GRIK4: variants seen among roughly 807,000 people sequenced by gnomAD.
GRIK4 encodes the protein glutamate receptor ionotropic, kainate 4.
A neutral mutation model predicts 104.9 loss-of-function variants in GRIK4; 40 were observed. The ratio of observed to expected loss-of-function variants is 0.38; its 90% CI spans 0.30 to 0.50. The LOEUF (loss-of-function observed/expected upper bound fraction) is 0.50. Among genes scored for constraint, GRIK4 ranks in the 20% least tolerant of loss-of-function variants. The pLI is 0.93. For synonymous variants in GRIK4, 485 were observed against 524.9 expected (o/e 0.92, Z 1.04); for missense variants, 1,047 against 1,308.1 (o/e 0.80, Z 3.08).
chr11:120,872,385 C>T (rs574337363), intron 9 of GRIK4: 79 of 162,330 alleles, frequency 4.9e-4, no homozygotes, highest in Non-Finnish European at 8.5e-4. Flanking sequence ...TGAAAAACCC[C>T]GAGACAGCAT....
Position 120,632,112 on chromosome 11 carries a change from G to T in GRIK4, c.-158-21573G>T, listed in dbSNP as rs534786542. ...CCCCAGTGTGATGGTATTAAGAAGT[G>T]AGCCTTTGGGAGGTCATAGGCGTGG... On this transcript the variant is annotated intron_variant, in intron 1 of 20. Coordinates refer to ENST00000527524, the MANE Select transcript of GRIK4 (RefSeq NM_014619.5). 2.0e-5 allele frequency among the ~76,000 whole-genome samples: 3 copies of T among 152,272 alleles called. No homozygotes were observed. The East Asian group carries it at 5.8e-4, about 29-fold the overall frequency.
At chr11:120,694,790 T>A (rs533018370) in intron 3 of GRIK4, among the ~76,000 whole-genome samples, 1 of 152,308 alleles carries the variant, frequency 6.6e-6, no homozygotes, top group East Asian at 1.9e-4. Flanking sequence ...TTCATTGTTG[T>A]CTTTCAGTGG....
intron 11 of GRIK4, among the ~76,000 whole-genome samples, chr11:120,882,649 A>G (rs985445405): frequency 4.6e-5 from 7 of 152,216 alleles, no homozygotes; most frequent in Non-Finnish European, 4.4e-5. Context: ...GAGGTTTAAA[A>G]TAGTTGACAA....
chr11:120,774,518 C>T (rs1952003846), intron 3 of GRIK4, among the ~76,000 whole-genome samples: 1 of 152,170 alleles, frequency 6.6e-6, no homozygotes, highest in Non-Finnish European at 1.5e-5. Flanking sequence ...GGGGGGACCT[C>T]AGTCTTTTTC....
chr11:120,617,053 G>T (rs982092193), intron 1 of GRIK4, among the ~76,000 whole-genome samples: 1 of 152,214 alleles, frequency 6.6e-6, no homozygotes, highest in Non-Finnish European at 1.5e-5. Context: ...TTCTCCTGGG[G>T]AACCTTCTCG....
chr11:120,544,291 A>G (rs1285810154), intron 1 of GRIK4, among the ~76,000 whole-genome samples: 7 of 152,150 alleles, frequency 4.6e-5, no homozygotes, highest in Non-Finnish European at 1.0e-4. Flanking sequence ...GGTCTTTTAC[A>G]TGTCAATCAT....
chr11:120,561,354 G>C (rs920969436), intron 1 of GRIK4, among the ~76,000 whole-genome samples: 1 of 152,200 alleles, frequency 6.6e-6, no homozygotes, highest in African/African-American at 2.4e-5. Flanking sequence ...CCTGCTACTG[G>C]GCTTTGAGCT....
At chr11:120,645,849 T>G (rs1949536819) in intron 1 of GRIK4, among the ~76,000 whole-genome samples, 1 of 152,226 alleles carries the variant, frequency 6.6e-6, no homozygotes, top group Admixed American at 6.5e-5. Context: ...CCATGCCCGC[T>G]GTGTCCCCCT....
chr11:120,641,514 G>C (rs1016724760), intron 1 of GRIK4, among the ~76,000 whole-genome samples: 1 of 152,162 alleles, frequency 6.6e-6, no homozygotes, highest in Non-Finnish European at 1.5e-5. Context: ...TGGGAAAGGG[G>C]TGGGCAATTC....
At chr11:120,664,696 T>C (rs1949877454) in intron 3 of GRIK4, among the ~76,000 whole-genome samples, 1 of 152,236 alleles carries the variant, frequency 6.6e-6, no homozygotes, top group Non-Finnish European at 1.5e-5. Context: ...TGTGTTCTGC[T>C]GGTAAGGAGT....
chr11:120,656,929 C>T lies in GRIK4; in HGVS notation c.-51+3137C>T, dbSNP rs139209579. ...CTTCACTCAGTTCCTCAGGCCTGCACGAACTGCGTGTAGTTCTGTCATCAA... is the reference window on the plus strand; with the variant it reads ...CTTCACTCAGTTCCTCAGGCCTGCATGAACTGCGTGTAGTTCTGTCATCAA... On this transcript the variant is annotated intron_variant, in intron 2 of 20. Coordinates refer to ENST00000527524, the MANE Select transcript of GRIK4 (RefSeq NM_014619.5). Among the ~76,000 whole-genome samples the T allele has an allele frequency of 3.7e-4, 56 of 152,266 alleles. 1 individual carries two copies. The highest frequency in any genetic ancestry group is 1.3e-3 in the African/African-American group (53 of 41,542).
At chr11:120,736,396 G>A (rs1266108143) in intron 3 of GRIK4, among the ~76,000 whole-genome samples, 3 of 152,082 alleles carry the variant, frequency 2.0e-5, no homozygotes, top group African/African-American at 7.2e-5. Flanking sequence ...TGCTGAGTGG[G>A]GTTGGGGGAC....
chr11:120,653,394 G>A (rs1949648660), intron 1 of GRIK4, among the ~76,000 whole-genome samples: 2 of 152,204 alleles, frequency 1.3e-5, no homozygotes, highest in South Asian at 4.1e-4. Flanking sequence ...ATCCTGGGCA[G>A]GTAAATGGTT....
At chr11:120,601,047 T>G (rs983023162) in intron 1 of GRIK4, among the ~76,000 whole-genome samples, 1 of 151,990 alleles carries the variant, frequency 6.6e-6, no homozygotes, top group Non-Finnish European at 1.5e-5. Context: ...GAGTGAGACC[T>G]TGTCACAAAC....
At chr11:120,917,631 T>A (rs918317599) in intron 13 of GRIK4, among the ~76,000 whole-genome samples, 1 of 152,204 alleles carries the variant, frequency 6.6e-6, no homozygotes, top group Non-Finnish European at 1.5e-5. Context: ...AGCCACAGAT[T>A]TGAAACAGAC....
At chr11:120,579,136 C>T (rs1390863021) in intron 1 of GRIK4, among the ~76,000 whole-genome samples, 4 of 152,180 alleles carry the variant, frequency 2.6e-5, no homozygotes, top group Admixed American at 2.0e-4. Flanking sequence ...CACTGAGGAT[C>T]CAGCTGTGAA....
intron 3 of GRIK4, among the ~76,000 whole-genome samples, chr11:120,798,587 C>A (rs546014570): frequency 6.6e-6 from 1 of 152,282 alleles, no homozygotes; most frequent in East Asian, 1.9e-4. Flanking sequence ...TCAAGCGGTT[C>A]TCGTGCCTCA....
At chr11:120,824,316 C>T (rs1417245470) in intron 6 of GRIK4, among the ~76,000 whole-genome samples, 2 of 152,118 alleles carry the variant, frequency 1.3e-5, no homozygotes, top group Non-Finnish European at 2.9e-5. Context: ...GTGTGGTCCT[C>T]CTGGTCAGAG....
At chr11:120,662,884 G>T (rs55707795) in intron 3 of GRIK4, among the ~76,000 whole-genome samples, 7,042 of 152,254 alleles carry the variant, frequency 0.046, 224 homozygotes, top group South Asian at 0.11. Flanking sequence ...TGTTTGGAAA[G>T]AGGTGGCCGA....
Sources: allele counts gnomAD v4.1 joint callset (sites outside exome capture counted in the v4.1 genomes callset), GRCh38; gene constraint gnomAD v4.1.1; transcripts MANE v1.5; gene names NCBI Gene and HGNC (gene_info 2026-07-23, HGNC 2026-07-21).